INPP4B: variants seen among roughly 807,000 people sequenced by gnomAD.
The protein encoded by INPP4B is inositol polyphosphate-4-phosphatase type II B.
A neutral mutation model predicts 122.5 loss-of-function variants in INPP4B; 55 were observed. That is an observed-to-expected ratio of 0.45 (90% CI 0.36 to 0.56). INPP4B has a LOEUF of 0.56. Ranked by LOEUF, INPP4B falls within the 20% of genes least tolerant of loss-of-function variation. INPP4B has a pLI of 0.00. For synonymous variants in INPP4B, 403 were observed against 388.7 expected, an observed-to-expected ratio of 1.04 and a Z score of -0.43; for missense variants, 1,000 against 1,097.7, an observed-to-expected ratio of 0.91 and a Z score of 1.26.
chr4:142,144,325 T>C (rs1809514404), intron 18 of INPP4B, among the ~76,000 whole-genome samples: 1 of 151,036 alleles, frequency 6.6e-6, no homozygotes, highest in Non-Finnish European at 1.5e-5. Context: ...TTGGCAACAT[T>C]AAACAAAAAA....
At chr4:142,802,124 ATACTTGAAAGCC>A (rs1333284812) in intron 1 of INPP4B, among the ~76,000 whole-genome samples, 5 of 152,136 alleles carry the variant, frequency 3.3e-5, no homozygotes, top group Non-Finnish European at 7.3e-5. Flanking sequence ...ATTGAGGCAG[ATACTTGAAAGCC>A]TACCCAGAAG....
intron 2 of INPP4B, chr4:142,474,143 C>A (rs1332488552): frequency 6.6e-6 from 1 of 152,266 alleles, no homozygotes; most frequent in East Asian, 1.9e-4. Flanking sequence ...GTGGACACAG[C>A]CTCCTGTTGT....
At chr4:142,268,317 C>A (rs1435674164) in intron 10 of INPP4B, among the ~76,000 whole-genome samples, 2 of 1,866 alleles carry the variant, frequency 1.1e-3, no homozygotes, top group Non-Finnish European at 0.014. Flanking sequence ...AGCAAGACTC[C>A]GTCTCAAAAA....
chr4:142,102,412 A>T (rs2152651913), intron 23 of INPP4B, among the ~76,000 whole-genome samples: 1 of 151,926 alleles, frequency 6.6e-6, no homozygotes, highest in African/African-American at 2.4e-5. Flanking sequence ...ATCAGAGAGA[A>T]CCATGGTTGA....
intron 16 of INPP4B, among the ~76,000 whole-genome samples, chr4:142,161,907 G>A (rs1263020921): frequency 6.6e-6 from 1 of 151,754 alleles, no homozygotes; most frequent in Non-Finnish European, 1.5e-5. Flanking sequence ...AATGGAACAG[G>A]AATGAAGTTT....
chr4:142,626,259 C>A (rs1436373915), intron 2 of INPP4B, among the ~76,000 whole-genome samples: 2 of 152,068 alleles, frequency 1.3e-5, no homozygotes, highest in Non-Finnish European at 2.9e-5. Context: ...CTATCATCCC[C>A]ATGGTTAGGT....
At chr4:142,587,374 A>G (rs34699252) in intron 2 of INPP4B, among the ~76,000 whole-genome samples, 16,599 of 152,090 alleles carry the variant, frequency 0.11, 961 homozygotes, top group South Asian at 0.15. Flanking sequence ...TTGTGCTGAA[A>G]AAGAATGCCC....
chr4:142,040,633 G>A (rs1746848130), intron 25 of INPP4B, among the ~76,000 whole-genome samples: 1 of 152,146 alleles, frequency 6.6e-6, no homozygotes, highest in African/African-American at 2.4e-5. Context: ...AAAGAAATAG[G>A]TAAATAGATA....
intron 1 of INPP4B, among the ~76,000 whole-genome samples, chr4:142,751,464 A>G (rs1411456377): frequency 1.3e-5 from 2 of 148,794 alleles, no homozygotes; most frequent in African/African-American, 5.0e-5. Context: ...ATATAAAAGC[A>G]TCTCCTAACA....
chr4:142,356,655 T>C (rs1475650246), intron 7 of INPP4B, among the ~76,000 whole-genome samples: 2 of 151,976 alleles, frequency 1.3e-5, no homozygotes, highest in Non-Finnish European at 2.9e-5. Context: ...TCCTGAGTGA[T>C]AGAAGTGTTA....
intron 23 of INPP4B, among the ~76,000 whole-genome samples, chr4:142,088,875 A>ATTAAACTC (rs1236045052): frequency 1.3e-5 from 2 of 152,180 alleles, no homozygotes; most frequent in Non-Finnish European, 2.9e-5. Context: ...TATTTAAACT[A>ATTAAACTC]TTATTAAATC....
chr4:142,805,848 T>C (rs181721096), intron 1 of INPP4B, among the ~76,000 whole-genome samples: 2 of 152,298 alleles, frequency 1.3e-5, no homozygotes, highest in East Asian at 3.9e-4. Context: ...GAGTCAAAAT[T>C]TATACATTCA....
intron 12 of INPP4B, among the ~76,000 whole-genome samples, chr4:142,212,748 C>A (rs567566333): frequency 6.6e-6 from 1 of 152,258 alleles, no homozygotes; most frequent in Admixed American, 6.5e-5. Context: ...TTCTAACTGG[C>A]AAAGTATAAG....
intron 3 of INPP4B, among the ~76,000 whole-genome samples, chr4:142,455,749 G>T (rs1249067716): frequency 6.6e-6 from 1 of 151,906 alleles, no homozygotes; most frequent in African/African-American, 2.4e-5. Context: ...CATAGTGATT[G>T]TACTAATTTA....
At chr4:142,738,844 C>A (rs1767462766) in intron 1 of INPP4B, among the ~76,000 whole-genome samples, 1 of 152,064 alleles carries the variant, frequency 6.6e-6, no homozygotes, top group Non-Finnish European at 1.5e-5. Flanking sequence ...TCTCAAAATC[C>A]TGTGTGATTT....
intron 2 of INPP4B, among the ~76,000 whole-genome samples, chr4:142,608,215 C>A (rs1741693977): frequency 6.6e-6 from 1 of 152,040 alleles, no homozygotes; most frequent in Non-Finnish European, 1.5e-5. Context: ...CAGAGGTTTC[C>A]TTTTGGAGTT....
At chr4:142,240,829 T>C (rs1301452575) in intron 11 of INPP4B, among the ~76,000 whole-genome samples, 4 of 152,130 alleles carry the variant, frequency 2.6e-5, no homozygotes, top group East Asian at 3.9e-4. Context: ...TTAAATACCA[T>C]GCAGATTTGT....
intron 9 of INPP4B, among the ~76,000 whole-genome samples, chr4:142,289,229 T>G (rs1263088315): frequency 6.6e-6 from 1 of 152,166 alleles, no homozygotes; most frequent in Non-Finnish European, 1.5e-5. Flanking sequence ...AGAAATTTGC[T>G]TTTCTTGACT....
At chr4:142,438,499 A>G (rs185817528) in intron 3 of INPP4B, among the ~76,000 whole-genome samples, 1 of 152,332 alleles carries the variant, frequency 6.6e-6, no homozygotes, top group Admixed American at 6.5e-5. Context: ...GGCTAGCCAT[A>G]TGCAGAAAAC....
Sources: allele counts gnomAD v4.1 joint callset (sites outside exome capture counted in the v4.1 genomes callset), GRCh38; gene constraint gnomAD v4.1.1; transcripts MANE v1.5; gene names NCBI Gene and HGNC (gene_info 2026-07-23, HGNC 2026-07-21).